Variants in KCNIP4 observed in about 807,000 individuals in gnomAD.
KCNIP4 encodes the protein Kv channel-interacting protein 4.
KCNIP4 carries 12 observed loss-of-function variants against 34.0 expected under a neutral mutation model. The observed-to-expected ratio is 0.35, with a 90% CI of 0.23 to 0.57. The LOEUF (loss-of-function observed/expected upper bound fraction) is 0.57, where lower values mean the gene tolerates loss of function less well. KCNIP4 is among the 20% of genes least tolerant of loss of function. The pLI, the probability that KCNIP4 is intolerant of heterozygous loss-of-function variation, is 0.83. For synonymous variants in KCNIP4, 124 were observed against 102.2 expected (o/e 1.21, Z -1.29); for missense variants, 238 against 311.7 (o/e 0.76, Z 1.78).
chr4:21,737,908 C>A (rs183702937), intron 1 of KCNIP4, among the ~76,000 whole-genome samples: 45 of 151,600 alleles, frequency 3.0e-4, no homozygotes, highest in Admixed American at 6.6e-4. Flanking sequence ...TATGGTGAAA[C>A]CCTGTCTCTA....
intron 1 of KCNIP4, among the ~76,000 whole-genome samples, chr4:21,918,871 C>T (rs559088720): frequency 1.3e-5 from 2 of 152,286 alleles, no homozygotes; most frequent in East Asian, 1.9e-4. Flanking sequence ...TCTAGCCACG[C>T]TTCCTTAAGT....
intron 1 of KCNIP4, among the ~76,000 whole-genome samples, chr4:21,236,301 A>G (rs2109036154): frequency 6.6e-6 from 1 of 152,350 alleles, no homozygotes; most frequent in African/African-American, 2.4e-5. Flanking sequence ...TGAATTTCAC[A>G]TAAGCATTTA....
At position 20,887,314 on chromosome 4, in the gene KCNIP4, A is replaced by T. The variant is rs570376878; in HGVS notation, c.62-4605T>A. Among the ~76,000 whole-genome samples the T allele has an allele frequency of 5.9e-5, 9 of 151,916 alleles. No homozygotes were observed. In the South Asian group the frequency reaches 1.7e-3, roughly 28 times the overall value. The stretch of plus-strand genomic sequence containing the variant: ...AAGAACATAATGAGAGGTGAGATAA[A>T]ATTTTGAAGCAATAATGACCAAAAT... On this transcript the variant is annotated intron_variant, in intron 1 of 8. Transcript: ENST00000382152.
chr4:21,198,044 G>C (rs1402774805), intron 1 of KCNIP4, among the ~76,000 whole-genome samples: 1 of 152,154 alleles, frequency 6.6e-6, no homozygotes, highest in African/African-American at 2.4e-5. Context: ...GGCTTCTGTA[G>C]AGACCACTCT....
chr4:21,910,355 G>A (rs1056930978), intron 1 of KCNIP4, among the ~76,000 whole-genome samples: 8 of 152,018 alleles, frequency 5.3e-5, no homozygotes, highest in East Asian at 1.9e-4. Context: ...CAAAACATAC[G>A]AAAGTATTTT....
At chr4:20,987,428 G>A (rs963426361) in intron 1 of KCNIP4, among the ~76,000 whole-genome samples, 2 of 151,942 alleles carry the variant, frequency 1.3e-5, no homozygotes, top group Admixed American at 1.3e-4. Context: ...GAATACCAAA[G>A]GTACACTAAA....
At chr4:20,910,314 G>A (rs1411180216) in intron 1 of KCNIP4, among the ~76,000 whole-genome samples, 2 of 151,748 alleles carry the variant, frequency 1.3e-5, no homozygotes, top group Admixed American at 1.3e-4. Flanking sequence ...TCTGTTACTT[G>A]AAGGGGAGGA....
intron 1 of KCNIP4, among the ~76,000 whole-genome samples, chr4:21,281,328 TCCAC>T (rs1762763616): frequency 6.6e-6 from 1 of 152,078 alleles, no homozygotes; most frequent in African/African-American, 2.4e-5. Flanking sequence ...CCTCAGGTGA[TCCAC>T]CCACCTCAGC....
intron 1 of KCNIP4, among the ~76,000 whole-genome samples, chr4:20,899,581 A>G (rs1726937053): frequency 6.6e-6 from 1 of 152,224 alleles, no homozygotes; most frequent in Non-Finnish European, 1.5e-5. Context: ...GTGAAGTCAC[A>G]TTTTGTATGC....
chr4:21,626,681 CTG>C (rs1745353244), intron 1 of KCNIP4, among the ~76,000 whole-genome samples: 1 of 152,064 alleles, frequency 6.6e-6, no homozygotes, highest in Non-Finnish European at 1.5e-5. Context: ...TGGTACCAAG[CTG>C]TGTAGACAAC....
intron 1 of KCNIP4, among the ~76,000 whole-genome samples, chr4:21,866,662 T>C (rs1725437305): frequency 6.6e-6 from 1 of 151,862 alleles, no homozygotes; most frequent in Non-Finnish European, 1.5e-5. Flanking sequence ...AAGTACTTGG[T>C]CCATAAATAC....
At chr4:21,375,113 C>A (rs1389514309) in intron 1 of KCNIP4, among the ~76,000 whole-genome samples, 5 of 147,402 alleles carry the variant, frequency 3.4e-5, no homozygotes, top group Admixed American at 2.6e-4. Context: ...CAACAGCTTG[C>A]AAATAGGTTA....
rs186021456 is a variant in KCNIP4, at chr4:21,900,975, G to T, written c.61+47596C>A. Among the ~76,000 whole-genome samples, 175 of 152,244 alleles carry T rather than the reference G, an allele frequency of 1.1e-3. 1 individual carries two copies. The highest frequency in any genetic ancestry group is 4.1e-3 in the African/African-American group (169 of 41,544). On this transcript the variant is annotated intron_variant, in intron 1 of 8. Coordinates refer to ENST00000382152, the MANE Select transcript of KCNIP4 (RefSeq NM_025221.6). ...CTGTTATAATAAATACTGTTTCAAT[G>T]AATATCATTTTCTGTAAATTTTCAT...
chr4:21,397,294 G>T (rs35965248), intron 1 of KCNIP4, among the ~76,000 whole-genome samples: 3,688 of 152,198 alleles, frequency 0.024, 190 homozygotes, highest in East Asian at 0.19. Flanking sequence ...ACACTCCATT[G>T]ATGTTTCAAT....
chr4:20,996,716 G>A (rs551445053), intron 1 of KCNIP4, among the ~76,000 whole-genome samples: 153 of 152,058 alleles, frequency 1.0e-3, no homozygotes, highest in African/African-American at 3.6e-3. Context: ...TCAAATTGCT[G>A]TTTTTTTATT....
At chr4:21,288,955 G>A (rs1015823341) in intron 1 of KCNIP4, among the ~76,000 whole-genome samples, 9 of 151,962 alleles carry the variant, frequency 5.9e-5, no homozygotes, top group Admixed American at 2.0e-4. Flanking sequence ...CAATCTATAA[G>A]GTAAATCTTA....
At chr4:21,665,382 G>A (rs1748769248) in intron 1 of KCNIP4, among the ~76,000 whole-genome samples, 1 of 152,066 alleles carries the variant, frequency 6.6e-6, no homozygotes, top group African/African-American at 2.4e-5. Context: ...AAGACTAAAT[G>A]CATAGGAATG....
intron 3 of KCNIP4, among the ~76,000 whole-genome samples, chr4:20,799,488 C>T (rs1713937081): frequency 6.6e-6 from 1 of 152,168 alleles, no homozygotes; most frequent in African/African-American, 2.4e-5. Context: ...CCACTACCAT[C>T]TCCAGGACAA....
At chr4:21,607,898 A>G (rs1666635942) in intron 1 of KCNIP4, among the ~76,000 whole-genome samples, 1 of 152,112 alleles carries the variant, frequency 6.6e-6, no homozygotes, top group Admixed American at 6.5e-5. Flanking sequence ...TTCCACAATC[A>G]TCTGCTTCAC....
Sources: gnomAD v4.1 joint callset for allele counts (sites outside exome capture counted in the v4.1 genomes callset) on GRCh38, gnomAD v4.1.1 for gene constraint, MANE v1.5 for transcripts, NCBI Gene and HGNC (gene_info 2026-07-23, HGNC 2026-07-21) for gene names.